The following LEPR variants were observed in gnomAD, a reference collection of about 807,000 sequenced individuals.
LEPR encodes leptin receptor.
LEPR carries 56 observed loss-of-function variants against 114.7 expected under a neutral mutation model. The ratio of observed to expected loss-of-function variants is 0.49; its 90% CI spans 0.39 to 0.61. The LOEUF (loss-of-function observed/expected upper bound fraction) is 0.61. LEPR is among the 20% of genes least tolerant of loss of function. The probability of loss-of-function intolerance (pLI) is 0.00; values close to 1 mark genes in which losing one functional copy is unlikely to be tolerated. For missense variants in LEPR, 1,202 were observed against 1,352.9 expected, an observed-to-expected ratio of 0.89 and a Z score of 1.75; for synonymous variants, 443 against 461.4, an observed-to-expected ratio of 0.96 and a Z score of 0.51.
chr1:65,608,581 C>T (rs1656973366), intron 11 of LEPR, among the ~76,000 whole-genome samples, 172 bp from the exon 12 acceptor site: 1 of 152,146 alleles, frequency 6.6e-6, no homozygotes. Context: ...AGATAAATCC[C>T]TCTTTTAATA....
chr1:65,426,475 C>A lies in LEPR; in HGVS notation c.-21+1097C>A, dbSNP rs114261656. On this transcript the variant is annotated intron_variant, in intron 2 of 19. Coordinates refer to ENST00000349533, the MANE Select transcript of LEPR (RefSeq NM_002303.6). Reference sequence around the variant, plus strand: ...TGTTAAAATGTCATTCTTGCCATAACGTGAGACTAGATAGGAAAGAGCTGA... The same window carrying A: ...TGTTAAAATGTCATTCTTGCCATAAAGTGAGACTAGATAGGAAAGAGCTGA... Among the ~76,000 whole-genome samples, 82 of 151,952 alleles carry A rather than the reference C, an allele frequency of 5.4e-4. 3 individuals are homozygous for A. The South Asian group carries it at 9.3e-3, about 17-fold the overall frequency.
At chr1:65,619,020 A>C (rs1037265826) in intron 16 of LEPR, among the ~76,000 whole-genome samples, 7 of 152,160 alleles carry the variant, frequency 4.6e-5, no homozygotes, top group African/African-American at 1.7e-4. Context: ...GAGGTGAGTC[A>C]AGCACAAAGT....
chr1:65,566,042 A>G (rs989398843), intron 3 of LEPR, among the ~76,000 whole-genome samples: 4 of 152,160 alleles, frequency 2.6e-5, no homozygotes, highest in Non-Finnish European at 5.9e-5. Context: ...TTATTAGTTT[A>G]ATGGTTGCAT....
intron 7 of LEPR, among the ~76,000 whole-genome samples, chr1:65,597,383 A>G (rs1025004431): frequency 5.3e-5 from 8 of 152,054 alleles, no homozygotes; most frequent in South Asian, 2.1e-4. Context: ...CACCTGCTAC[A>G]TGCCTGGAAC....
At chr1:65,430,183 C>G (rs144393933) in intron 2 of LEPR, 9 of 708,786 alleles carry the variant, frequency 1.3e-5, no homozygotes, top group African/African-American at 7.2e-5. Flanking sequence ...CTCTGTTCCT[C>G]TACTTTAGAC....
At chr1:65,502,948 A>G (rs1404712388) in intron 2 of LEPR, among the ~76,000 whole-genome samples, 1 of 151,636 alleles carries the variant, frequency 6.6e-6, no homozygotes, top group African/African-American at 2.4e-5. Context: ...TGAAGTTAAT[A>G]CAAAAAGAAG....
At chr1:65,617,113 G>A (rs1037043733) in intron 15 of LEPR, among the ~76,000 whole-genome samples, 4 of 152,182 alleles carry the variant, frequency 2.6e-5, no homozygotes, top group Admixed American at 1.3e-4. Context: ...CGTCAGTGGG[G>A]TAGGTAGTGG....
At chr1:65,499,331 T>G (rs993102449) in intron 2 of LEPR, among the ~76,000 whole-genome samples, 1 of 152,076 alleles carries the variant, frequency 6.6e-6, no homozygotes, top group Non-Finnish European at 1.5e-5. Flanking sequence ...TAAGGGTGTG[T>G]GGGGTGGGTG....
intron 2 of LEPR, 30 bp from the exon 3 acceptor site, chr1:65,565,516 G>C: frequency 6.2e-7 from 1 of 1,610,536 alleles, no homozygotes; most frequent in Non-Finnish European, 8.5e-7. Flanking sequence ...GTTTTTGTGT[G>C]TGTTCTGATT....
rs749538705 is a variant in LEPR at position 65,605,033 on chromosome 1, T to C, written c.1404-5T>C. ...ACTAATTGACTATTTTTGTATCTTT[T>C]AAAGGAGCAGCCTTTACTGTTCTGA... On this transcript the variant is annotated splice_polypyrimidine_tract_variant and splice_region_variant and intron_variant, in intron 10 of 19. Coordinates refer to ENST00000349533, the MANE Select transcript of LEPR (RefSeq NM_002303.6). The C allele has an allele frequency of 6.2e-7, 1 of 1,612,032 alleles. No individual in the cohort carries two copies. Among genetic ancestry groups the C allele is most frequent in the South Asian group, 1.1e-5 (1 of 91,024 alleles).
At chr1:65,634,357 A>G in intron 19 of LEPR, 1 of 976,002 alleles carries the variant, frequency 1.0e-6, no homozygotes, top group Non-Finnish European at 1.2e-6. Flanking sequence ...GAAATGTAAA[A>G]TCTAAGTATG....
chr1:65,536,247 C>T (rs1407052609), intron 2 of LEPR, among the ~76,000 whole-genome samples: 1 of 152,046 alleles, frequency 6.6e-6, no homozygotes, highest in African/African-American at 2.4e-5. Context: ...CTTGGCTTGT[C>T]CCTCCTCTCT....
intron 2 of LEPR, among the ~76,000 whole-genome samples, chr1:65,523,146 A>G (rs74907239): frequency 2.1e-3 from 314 of 152,276 alleles, no homozygotes; most frequent in Admixed American, 4.2e-3. Flanking sequence ...AGATGCATTT[A>G]GGATGCATTT....
chr1:65,490,071 A>G (rs1351627784), intron 2 of LEPR, among the ~76,000 whole-genome samples: 10 of 152,056 alleles, frequency 6.6e-5, no homozygotes, highest in Non-Finnish European at 1.5e-4. Flanking sequence ...AATTTCTTTG[A>G]GCTTCAGTTT....
chr1:65,549,029 G>T (rs1198591287), intron 2 of LEPR, among the ~76,000 whole-genome samples: 6 of 151,496 alleles, frequency 4.0e-5, no homozygotes, highest in Non-Finnish European at 8.9e-5. Context: ...CTCAGCATTT[G>T]CTTGTCTGTA....
intron 2 of LEPR, among the ~76,000 whole-genome samples, chr1:65,545,630 C>T (rs995122476): frequency 6.6e-6 from 1 of 152,224 alleles, no homozygotes; most frequent in African/African-American, 2.4e-5. Context: ...TGTTCATATC[C>T]TTTGCCCACT....
At chr1:65,440,000 CAAAAAA>C (rs550347312) in intron 2 of LEPR, among the ~76,000 whole-genome samples, 2,552 of 58,144 alleles carry the variant, frequency 0.044, 35 homozygotes, top group South Asian at 0.11. Flanking sequence ...GATTCTGTCT[CAAAAAA>C]AAAAAAAAAA....
At chr1:65,519,812 G>A (rs1480090099) in intron 2 of LEPR, among the ~76,000 whole-genome samples, 1 of 151,790 alleles carries the variant, frequency 6.6e-6, no homozygotes, top group Non-Finnish European at 1.5e-5. Flanking sequence ...AAAATTACAG[G>A]TCTGCCCCAC....
intron 2 of LEPR, among the ~76,000 whole-genome samples, chr1:65,549,410 A>G (rs976419535): frequency 1.3e-5 from 2 of 152,164 alleles, no homozygotes; most frequent in Non-Finnish European, 2.9e-5. Context: ...GTGTTTTCCA[A>G]CTTGGTTCCA....
Sources: allele counts gnomAD v4.1 joint callset (sites outside exome capture counted in the v4.1 genomes callset), GRCh38; gene constraint gnomAD v4.1.1; transcripts MANE v1.5; gene names NCBI Gene and HGNC (gene_info 2026-07-23, HGNC 2026-07-21).